The following ZNF79 variants were observed in gnomAD, a reference collection of about 807,000 sequenced individuals.
The protein encoded by ZNF79 is zinc finger protein 79.
Under a neutral mutation model 14.9 loss-of-function variants are expected in ZNF79, and 13 were observed. That is an observed-to-expected ratio of 0.87 (90% CI 0.57 to 1.38). The LOEUF is 1.38. Ranked by LOEUF, ZNF79 falls within the 40% of genes most tolerant of loss-of-function variation. ZNF79 has a pLI of 0.00. For synonymous variants in ZNF79, 223 were observed against 235.1 expected (o/e 0.95, Z 0.47); for missense variants, 631 against 630.6 (o/e 1.00, Z -0.01).
Position 127,444,630 on chromosome 9 carries a change from T to G in ZNF79, c.930T>G (p.Cys310Trp). The change falls in exon 5 of 5, where the codon TGT becomes TGG. Residue 310 changes from cysteine to tryptophan, a missense_variant. Transcript: ENST00000342483. ...AGAAGCCCTACGAATGCAGCGACTG[T>G]GGGAAGGCCTTCCGTCACAGTGCAA... Reference protein sequence around the residue: ...TGEKPYECSDCGKAFRHSANL... With the variant: ...TGEKPYECSDWGKAFRHSANL... 6.2e-7 allele frequency: 1 copy of G among 1,614,048 alleles called. No individual in the cohort carries two copies. The highest frequency in any genetic ancestry group is 8.5e-7 in the Non-Finnish European group (1 of 1,179,974).
rs753511169 is a variant in ZNF79, at chr9:127,428,881, G to C, written c.66G>C (p.Glu22Asp). ...TTCCCCAAGAGGAAAACACAGGAGAGGAAGGAATGGCTGCTGGTCTCCTCA... is the reference window on the plus strand; with the variant it reads ...TTCCCCAAGAGGAAAACACAGGAGACGAAGGAATGGCTGCTGGTCTCCTCA... Reference protein sequence around the residue: ...PALPQEENTGEEGMAAGLLTA... With the variant: ...PALPQEENTGDEGMAAGLLTA... Residue 22 changes from glutamate to aspartate, a missense_variant, in exon 2 of 5, where the codon GAG (glutamate) becomes GAC (aspartate). Physicochemically the swap from Glu to Asp is conservative, Grantham distance 45. Transcript: ENST00000342483. 1 of 1,605,254 alleles carries C rather than the reference G, an allele frequency of 6.2e-7. No homozygotes were observed. Among genetic ancestry groups the C allele is most frequent in the South Asian group, 1.1e-5 (1 of 89,730 alleles).
chr9:127,424,904 C>T, intron 1 of ZNF79, 101 bp downstream of exon 1: 1 of 1,575,598 alleles, frequency 6.3e-7, no homozygotes, highest in Admixed American at 1.9e-5. Flanking sequence ...CTTTATCTCT[C>T]CTACAGGTAG....
rs1834151773 is a variant in ZNF79, at chr9:127,445,300, CTAACT to C, written c.*106_*110del. Reference sequence around the variant, plus strand: ...AAGGCTTGAAAGCATCTGAAGACATCTAACTTAGAGTCTGCAGCCCAGAGCCACAT... The same window carrying C: ...AAGGCTTGAAAGCATCTGAAGACATCTAGAGTCTGCAGCCCAGAGCCACAT... On this transcript the variant is annotated 3_prime_UTR_variant, in exon 5 of 5. Coordinates refer to ENST00000342483, the MANE Select transcript of ZNF79 (RefSeq NM_007135.3). The C allele has an allele frequency of 7.6e-7, 1 of 1,308,776 alleles. No individual in the cohort carries two copies. Among genetic ancestry groups the C allele is most frequent in the Non-Finnish European group, 1.1e-6 (1 of 952,102 alleles). 81.1% of individuals were successfully genotyped at this position (1,308,776 alleles called of 1,614,324 possible). A position where few individuals can be genotyped will look rare whatever the true frequency, so the allele number is the denominator to read the frequency against.
intron 4 of ZNF79, among the ~76,000 whole-genome samples, chr9:127,441,926 CAG>C (rs1399013441): frequency 1.4e-5 from 2 of 141,490 alleles, no homozygotes; most frequent in East Asian, 2.1e-4. Context: ...GCCTGGGTGA[CAG>C]AGTGAGACTC....
chr9:127,434,635 CT>C (rs1833914371), intron 2 of ZNF79, among the ~76,000 whole-genome samples: 1 of 152,120 alleles, frequency 6.6e-6, no homozygotes, highest in Non-Finnish European at 1.5e-5. Flanking sequence ...CACTGCAATG[CT>C]GGTGATCAAT....
chr9:127,441,344 C>T (rs930326925), intron 4 of ZNF79, among the ~76,000 whole-genome samples: 5 of 152,178 alleles, frequency 3.3e-5, no homozygotes, highest in Non-Finnish European at 7.3e-5. Flanking sequence ...ATTCTGGGTC[C>T]TTTATGTGTC....
intron 4 of ZNF79, among the ~76,000 whole-genome samples, chr9:127,442,191 A>G (rs1326361621): frequency 6.6e-6 from 1 of 151,958 alleles, no homozygotes; most frequent in African/African-American, 2.4e-5. Context: ...ACCTGAGGTC[A>G]GGAGTTTAAG....
At position 127,424,748 on chromosome 9, in the gene ZNF79, A is replaced by C; in HGVS notation, c.-40A>C. 1 of 1,613,536 alleles carries C rather than the reference A, an allele frequency of 6.2e-7. No individual in the cohort carries two copies. Reference sequence around the variant, plus strand: ...CTGCTGTAGATAGACCCTTACGCCCAGAGAACTGCTGGGAGGCTGTGGCGC... The same window carrying C: ...CTGCTGTAGATAGACCCTTACGCCCCGAGAACTGCTGGGAGGCTGTGGCGC... On this transcript the variant is annotated 5_prime_UTR_variant, in exon 1 of 5. Coordinates refer to ENST00000342483, the MANE Select transcript of ZNF79 (RefSeq NM_007135.3).
Position 127,444,097 on chromosome 9 carries a change from G to A in ZNF79, c.397G>A (p.Val133Ile). ...LSEASFQDPC[V>I]EMPPGDSDHG... Reference sequence around the variant, plus strand: ...TGAAGCTTCATTCCAAGACCCATGTGTAGAGATGCCCCCTGGGGATTCAGA... The same window carrying A: ...TGAAGCTTCATTCCAAGACCCATGTATAGAGATGCCCCCTGGGGATTCAGA... The change falls in exon 5 of 5, where the codon GTA becomes ATA. Residue 133 changes from valine (V) to isoleucine (I), a missense_variant. Val to Ile is a conservative substitution (Grantham distance 29). Coordinates refer to ENST00000342483, the MANE Select transcript of ZNF79 (RefSeq NM_007135.3). 6.2e-7 allele frequency: 1 copy of A among 1,612,722 alleles called. No homozygotes were observed. Among genetic ancestry groups the A allele is most frequent in the Non-Finnish European group, 8.5e-7 (1 of 1,179,948 alleles).
intron 2 of ZNF79, among the ~76,000 whole-genome samples, chr9:127,429,389 C>T (rs371302910): frequency 1.3e-5 from 2 of 151,378 alleles, no homozygotes; most frequent in African/African-American, 4.9e-5. Context: ...GGTGAAATCA[C>T]GACTCACTGC....
chr9:127,432,151 ATTT>A (rs34862357), intron 2 of ZNF79, among the ~76,000 whole-genome samples: 11 of 133,998 alleles, frequency 8.2e-5, no homozygotes, highest in African/African-American at 1.4e-4. Flanking sequence ...TTATTTTTAA[ATTT>A]TTTTTTTTTT....
At chr9:127,430,186 A>T (rs1833835027) in intron 2 of ZNF79, among the ~76,000 whole-genome samples, 1 of 152,190 alleles carries the variant, frequency 6.6e-6, no homozygotes, top group Non-Finnish European at 1.5e-5. Flanking sequence ...ATTTCCACTT[A>T]CCAGAATTCG....
In ZNF79 at chr9:127,444,648, C is replaced by CA; in HGVS notation, c.949dup (p.Ser317LysfsTer102). 6.2e-7 allele frequency: 1 copy of CA among 1,613,078 alleles called. No individual in the cohort carries two copies. The highest frequency in any genetic ancestry group is 1.1e-5 in the South Asian group (1 of 91,020). ...GCGACTGTGGGAAGGCCTTCCGTCA[C>CA]AGTGCAAACCTCACGAACCATCAGA... On this transcript the variant is annotated frameshift_variant, in exon 5 of 5. Transcript: ENST00000342483. LOFTEE classifies it low-confidence loss of function (END_TRUNC).
At chr9:127,426,807 G>A (rs1418467354) in intron 1 of ZNF79, among the ~76,000 whole-genome samples, 1 of 152,032 alleles carries the variant, frequency 6.6e-6, no homozygotes, top group African/African-American at 2.4e-5. Context: ...TTTCTCTTGG[G>A]CATATACTTA....
At chr9:127,428,653 A>G in intron 1 of ZNF79, 179 bp from the exon 2 acceptor site, 3 of 1,234,196 alleles carry the variant, frequency 2.4e-6, no homozygotes. Flanking sequence ...ATGCCTCCCT[A>G]CATCTGAGTG....
At position 127,428,879 on chromosome 9, in the gene ZNF79, G is replaced by A; in HGVS notation, c.64G>A (p.Glu22Lys). The change falls in exon 2 of 5, where the codon GAG (glutamate) becomes AAG (lysine). Residue 22 changes from glutamate to lysine, a missense_variant. Glu to Lys is a moderately conservative substitution (Grantham distance 56). Transcript: ENST00000342483. ...CCTTCCCCAAGAGGAAAACACAGGA[G>A]AGGAAGGAATGGCTGCTGGTCTCCT... ...PALPQEENTG[E>K]EGMAAGLLTA... The A allele has an allele frequency of 6.2e-7, 1 of 1,605,500 alleles. No individual in the cohort carries two copies. Among genetic ancestry groups the A allele is most frequent in the African/African-American group, 1.3e-5 (1 of 74,592 alleles).
intron 1 of ZNF79, among the ~76,000 whole-genome samples, chr9:127,427,901 G>T (rs1434605635): frequency 6.6e-6 from 1 of 152,116 alleles, no homozygotes; most frequent in African/African-American, 2.4e-5. Flanking sequence ...TTTGCTGCTT[G>T]TGCTTTTGGT....
chr9:127,434,322 T>C (rs567521219), intron 2 of ZNF79, among the ~76,000 whole-genome samples: 1 of 152,344 alleles, frequency 6.6e-6, no homozygotes, highest in South Asian at 2.1e-4. Flanking sequence ...TGCTCATACC[T>C]GGCTCTCCTG....
At position 127,440,281 on chromosome 9, in the gene ZNF79, T is replaced by G. The variant is rs1834027510; in HGVS notation, c.329-3748T>G. Reference sequence around the variant, plus strand: ...AGGGAGGGAGCTGTTTGGGAGCTGATGAAGAGGAAAGACTCTTTGGAGGTG... The same window carrying G: ...AGGGAGGGAGCTGTTTGGGAGCTGAGGAAGAGGAAAGACTCTTTGGAGGTG... On this transcript the variant is annotated intron_variant, in intron 4 of 4. Transcript: ENST00000342483. Among the ~76,000 whole-genome samples the G allele has an allele frequency of 2.0e-5, 3 of 152,184 alleles. No homozygotes were observed. The South Asian group carries it at 6.2e-4, about 32-fold the overall frequency.
Sources: allele counts gnomAD v4.1 joint callset (sites outside exome capture counted in the v4.1 genomes callset), GRCh38; gene constraint gnomAD v4.1.1; transcripts MANE v1.5; gene names NCBI Gene and HGNC (gene_info 2026-07-23, HGNC 2026-07-21).